Variants in KATNIP observed in about 807,000 individuals in gnomAD.
KATNIP encodes katanin-interacting protein.
Under a neutral mutation model 174.0 loss-of-function variants are expected in KATNIP, and 126 were observed. That is an observed-to-expected ratio of 0.72 (90% CI 0.63 to 0.84). The LOEUF (loss-of-function observed/expected upper bound fraction) is 0.84, where lower values mean the gene tolerates loss of function less well. Ranked by LOEUF, KATNIP falls within the 40% of genes least tolerant of loss-of-function variation. The probability of loss-of-function intolerance (pLI) is 0.00; values close to 1 mark genes in which losing one functional copy is unlikely to be tolerated. For synonymous variants in KATNIP, 810 were observed against 835.7 expected, an observed-to-expected ratio of 0.97 and a Z score of 0.53; for missense variants, 1,958 against 2,109.7, an observed-to-expected ratio of 0.93 and a Z score of 1.41.
At chr16:27,673,341 G>A (rs1033840903) in intron 6 of KATNIP, among the ~76,000 whole-genome samples, 2 of 152,124 alleles carry the variant, frequency 1.3e-5, no homozygotes, top group African/African-American at 4.8e-5. Flanking sequence ...ACAGCAGGTC[G>A]CCTAGGAACT....
intron 2 of KATNIP, among the ~76,000 whole-genome samples, chr16:27,594,252 C>T (rs1275355257): frequency 4.0e-5 from 6 of 151,608 alleles, no homozygotes; most frequent in African/African-American, 1.5e-4. Context: ...AGAGTGAGGC[C>T]CTATCTCAAA....
intron 16 of KATNIP, among the ~76,000 whole-genome samples, chr16:27,751,438 G>A (rs560773356): frequency 2.4e-4 from 36 of 152,218 alleles, no homozygotes; most frequent in African/African-American, 6.7e-4. Flanking sequence ...TACCAACAGC[G>A]TCTTGCATAG....
intron 2 of KATNIP, among the ~76,000 whole-genome samples, chr16:27,604,483 C>T (rs2075638363): frequency 6.6e-6 from 1 of 152,186 alleles, no homozygotes; most frequent in African/African-American, 2.4e-5. Flanking sequence ...GATCCTCCTG[C>T]CTCAGCCTCC....
At position 27,771,614 on chromosome 16, in the gene KATNIP, C is replaced by T; in HGVS notation, c.4160C>T (p.Ala1387Val). 1.2e-6 allele frequency: 2 copies of T among 1,613,500 alleles called. No individual in the cohort carries two copies. The highest frequency in any genetic ancestry group is 1.1e-5 in the South Asian group (1 of 90,908). ...RRLDMRSLEC[A>V]SMDYEAPLMP... ...CTGGACATGAGAAGCCTGGAGTGTG[C>T]AAGCATGGACTACGAGGCACCGCTG... is the stretch of plus-strand genomic sequence containing the variant. Residue 1387 changes from alanine (A) to valine (V), a missense_variant, in exon 22 of 28, where the codon GCA (alanine) becomes GTA (valine). By Grantham distance (64) the Ala-to-Val change is moderately conservative. Coordinates refer to ENST00000261588, the MANE Select transcript of KATNIP (RefSeq NM_015202.5).
rs368048134 is a variant in KATNIP at position 27,749,768 on chromosome 16, C to T, written c.2808C>T (p.Ser936=). Residue 936 remains serine, a synonymous_variant, in exon 16 of 28, where the codon AGC becomes AGT. Transcript: ENST00000261588. ...ELLQQKSSRH[S]DLPPSKKGEQ... ...TGCAGCAAAAGAGCAGCCGGCACAG[C>T]GACTTGCCCCCCTCCAAGAAGGGGG... 4.2e-5 allele frequency: 68 copies of T among 1,609,430 alleles called. 1 individual carries two copies. In the East Asian group the frequency reaches 4.7e-4, roughly 11 times the overall value.
intron 20 of KATNIP, among the ~76,000 whole-genome samples, chr16:27,768,222 G>C (rs371522245): frequency 3.7e-4 from 57 of 152,354 alleles, no homozygotes; most frequent in African/African-American, 1.4e-3. Flanking sequence ...TTGGAAGCCA[G>C]GGCCCTGGAC....
intron 1 of KATNIP, among the ~76,000 whole-genome samples, chr16:27,559,236 A>G (rs939427915): frequency 4.6e-5 from 7 of 152,212 alleles, no homozygotes; most frequent in Non-Finnish European, 1.5e-5. Flanking sequence ...CAATTGCCCT[A>G]TGGATCATAT....
At chr16:27,552,377 C>CTTTTTTTT (rs1167836198) in intron 1 of KATNIP, among the ~76,000 whole-genome samples, 1 of 135,082 alleles carries the variant, frequency 7.4e-6, no homozygotes, top group Non-Finnish European at 1.6e-5. Context: ...TTTCTTTTTT[C>CTTTTTTTT]TTTTTTTTTT....
Position 27,777,923 on chromosome 16 carries a change from C to T in KATNIP, c.4755C>T (p.Asn1585=). The change falls in exon 27 of 28, where the codon AAC becomes AAT. Residue 1585 remains asparagine (N), a synonymous_variant. Transcript: ENST00000261588. The surrounding 1 kb of genome is among the most constrained non-coding windows in gnomAD (Gnocchi z 4.4). ...AAGATGTCCAGATGATGAATGAAAA[C>T]CAAATCATTACCAACGCGAAACGGA... ...EDQDVQMMNE[N]QIITNAKRKQ... is the part of the protein sequence containing the mutation. 1 of 1,614,206 alleles carries T rather than the reference C, an allele frequency of 6.2e-7. No homozygotes were observed. The highest frequency in any genetic ancestry group is 8.5e-7 in the Non-Finnish European group (1 of 1,180,018).
chr16:27,568,946 C>T (rs139993026), intron 1 of KATNIP, among the ~76,000 whole-genome samples: 33 of 152,208 alleles, frequency 2.2e-4, no homozygotes, highest in South Asian at 1.5e-3. Flanking sequence ...CTTACCTCCA[C>T]CCCCACCACT....
chr16:27,567,619 G>A (rs1404110724), intron 1 of KATNIP, among the ~76,000 whole-genome samples: 5 of 152,212 alleles, frequency 3.3e-5, no homozygotes, highest in African/African-American at 1.2e-4. Context: ...TGGCTCCTGG[G>A]TTAAAGTGAT....
chr16:27,668,155 G>C (rs1416516902), intron 6 of KATNIP, among the ~76,000 whole-genome samples: 1 of 152,212 alleles, frequency 6.6e-6, no homozygotes, highest in Non-Finnish European at 1.5e-5. Flanking sequence ...GAGACCAGTT[G>C]CTTCCAAGTT....
At position 27,713,355 on chromosome 16, in the gene KATNIP, C is replaced by T. The variant is rs867638533; in HGVS notation, c.1605+4435C>T. On this transcript the variant is annotated intron_variant, in intron 13 of 27. Coordinates refer to ENST00000261588, the MANE Select transcript of KATNIP (RefSeq NM_015202.5). Reference sequence around the variant, plus strand: ...CACTTACATGTATTGGGGATTGATACGGTTTGACTGTGTCCCCACCCAAAT... The same window carrying T: ...CACTTACATGTATTGGGGATTGATATGGTTTGACTGTGTCCCCACCCAAAT... Among the ~76,000 whole-genome samples the T allele has an allele frequency of 9.9e-5, 15 of 152,010 alleles. No homozygotes were observed. The Middle Eastern group carries it at 0.014, about 139-fold the overall frequency.
In KATNIP at chr16:27,554,207, T is replaced by TAA. The variant is rs544584973; in HGVS notation, c.7+4031_7+4032dup. On this transcript the variant is annotated intron_variant, in intron 1 of 27. Transcript: ENST00000261588. ...AGCCAGATGGGGTGGCTCACGCCTG[T>TAA]AATCCCAGCACTTTGAGAGGCCAAG... Among the ~76,000 whole-genome samples, 71 of 152,338 alleles carry TAA rather than the reference T, an allele frequency of 4.7e-4. 2 individuals are homozygous for TAA. In the East Asian group the frequency reaches 7.1e-3, roughly 15 times the overall value.
At chr16:27,572,362 AACACACACACACAC>A (rs3056269) in intron 1 of KATNIP, among the ~76,000 whole-genome samples, 47 of 138,148 alleles carry the variant, frequency 3.4e-4, no homozygotes, top group African/African-American at 1.1e-3. Flanking sequence ...CAAAAAAGAA[AACACACACACACAC>A]ACACACACAC....
intron 10 of KATNIP, among the ~76,000 whole-genome samples, chr16:27,700,986 A>G (rs1012347936): frequency 4.7e-4 from 72 of 152,282 alleles, no homozygotes; most frequent in African/African-American, 1.7e-3. Flanking sequence ...AATCGTCTGC[A>G]GATGGACAGC....
intron 6 of KATNIP, among the ~76,000 whole-genome samples, chr16:27,676,463 G>A (rs2078120347): frequency 6.6e-6 from 1 of 152,132 alleles, no homozygotes; most frequent in Non-Finnish European, 1.5e-5. Flanking sequence ...GAGCCCTCAG[G>A]AGTTCACAGG....
chr16:27,643,775 C>T (rs1597039211), intron 5 of KATNIP, among the ~76,000 whole-genome samples: 1 of 151,796 alleles, frequency 6.6e-6, no homozygotes, highest in East Asian at 1.9e-4. Flanking sequence ...AAGACTCTGA[C>T]ATCATTTTCT....
At chr16:27,598,694 C>G (rs1274665688) in intron 2 of KATNIP, among the ~76,000 whole-genome samples, 1 of 152,206 alleles carries the variant, frequency 6.6e-6, no homozygotes, top group African/African-American at 2.4e-5. Context: ...TCAGCCTGCC[C>G]TGGGAGCTGA....
Sources: gnomAD v4.1 joint callset for allele counts (sites outside exome capture counted in the v4.1 genomes callset) on GRCh38, gnomAD v4.1.1 for gene constraint, Gnocchi (gnomAD v3.1) non-coding constraint, MANE v1.5 for transcripts, NCBI Gene and HGNC (gene_info 2026-07-23, HGNC 2026-07-21) for gene names.